C4orf50: variants seen among roughly 807,000 people sequenced by gnomAD.
C4orf50 encodes uncharacterized protein C4orf50.
In C4orf50, 80 loss-of-function variants were observed where a neutral mutation model predicts 77.2. The observed-to-expected ratio is 1.04, with a 90% CI of 0.87 to 1.25. The LOEUF (loss-of-function observed/expected upper bound fraction) is 1.25, where lower values mean the gene tolerates loss of function less well. C4orf50 is among the 50% of genes most tolerant of loss of function. The probability of loss-of-function intolerance (pLI) is 0.00; values close to 1 mark genes in which losing one functional copy is unlikely to be tolerated. For missense variants in C4orf50, 1,257 were observed against 1,152.9 expected (o/e 1.09, Z -1.31); for synonymous variants, 532 against 465.3 (o/e 1.14, Z -1.84).
intron 27 of C4orf50, among the ~76,000 whole-genome samples, chr4:5,991,631 G>A (rs4642177): frequency 2.6e-5 from 4 of 152,022 alleles, no homozygotes; most frequent in African/African-American, 4.8e-5. Flanking sequence ...CTGTGAGTCC[G>A]CAGGGGCTCC....
chr4:5,918,848 C>A (rs1462273731), intron 7 of C4orf50, among the ~76,000 whole-genome samples: 1 of 152,214 alleles, frequency 6.6e-6, no homozygotes, highest in Non-Finnish European at 1.5e-5. Context: ...GTGTCCCTCC[C>A]TGGACCATTC....
chr4:5,997,331 T>C (rs1334357545), intron 25 of C4orf50, among the ~76,000 whole-genome samples: 1 of 152,182 alleles, frequency 6.6e-6, no homozygotes, highest in Non-Finnish European at 1.5e-5. Context: ...CGGCCACGTA[T>C]AAACATACCT....
At position 5,938,360 on chromosome 4, in the gene C4orf50, T is replaced by G. The variant is rs16837869; in HGVS notation, c.*2474+18541A>C. ...ACCATAACAGGAATTAGGAGAATCA[T>G]AGAGTCTTTGTCACCAAGGGGCTCT... On this transcript the variant is annotated intron_variant, in intron 7 of 7. Coordinates refer to the C4orf50 transcript ENST00000324058. Among the ~76,000 whole-genome samples, 3 of 152,358 alleles carry G rather than the reference T, an allele frequency of 2.0e-5. No individual in the cohort carries two copies. The South Asian group carries it at 6.2e-4, about 32-fold the overall frequency.
chr4:5,981,129 A>G (rs1720559599), intron 28 of C4orf50, among the ~76,000 whole-genome samples: 2 of 152,196 alleles, frequency 1.3e-5, no homozygotes, highest in African/African-American at 4.8e-5. Context: ...CAGATTTTCT[A>G]TATAAAATTT....
In C4orf50 at chr4:5,989,369, C is replaced by A. The variant is rs928343180; in HGVS notation, c.2677G>T (p.Gly893Cys). 3.4e-5 allele frequency: 52 copies of A among 1,535,922 alleles called. No homozygotes were observed. The Admixed American group carries it at 1.0e-3, about 30-fold the overall frequency. ...CAATGAGGCAGTGTCCCTGGGTTAC[C>A]AGGAACTTCGCTGGTGCCCAGGGCC... is the stretch of plus-strand genomic sequence containing the variant. The change falls in exon 28 of 34, where the codon GGT becomes TGT. Residue 893 changes from glycine (G) to cysteine (C), a missense_variant. Gly to Cys is a radical substitution (Grantham distance 159, BLOSUM62 -3). Coordinates refer to ENST00000531445, the Ensembl canonical transcript of C4orf50.
At chr4:5,899,469 C>G (rs1253201519) in intron 7 of C4orf50, 1 of 152,228 alleles carries the variant, frequency 6.6e-6, no homozygotes, top group Non-Finnish European at 1.5e-5. Flanking sequence ...AGTAACACAT[C>G]ATGCATTTCA....
chr4:6,012,060 A>G (rs530949469), intron 23 of C4orf50, 92 bp from the exon 2 acceptor site: 4 of 398,252 alleles, frequency 1.0e-5, no homozygotes, highest in Admixed American at 8.8e-5. Context: ...TATTATTATT[A>G]TTGTTTTTGT....
chr4:6,004,339 ATGGTGATGATGACGG>A (rs1722117343), intron 25 of C4orf50, among the ~76,000 whole-genome samples: 2 of 118,184 alleles, frequency 1.7e-5, no homozygotes, highest in African/African-American at 3.6e-5. Context: ...GATGATGGTG[ATGGTGATGATGACGG>A]TGATGGTGAT....
At chr4:5,954,112 T>A (rs185376181), downstream of C4orf50, among the ~76,000 whole-genome samples, 208 of 152,306 alleles carry the variant, frequency 1.4e-3, no homozygotes, top group Non-Finnish European at 2.7e-3. This position sits in a 1 kb window ranked among gnomAD's most constrained non-coding sequence, Gnocchi z 4.7. Flanking sequence ...TCTGCCTCCC[T>A]GGCTCCCAGG....
chr4:5,942,750 T>C (rs74350383), intron 7 of C4orf50, among the ~76,000 whole-genome samples: 3,021 of 152,282 alleles, frequency 0.02, 86 homozygotes, highest in African/African-American at 0.07. Context: ...CAGAATCCAT[T>C]ATCTTAACCA....
At chr4:5,924,475 G>A (rs982355314) in intron 7 of C4orf50, among the ~76,000 whole-genome samples, 4 of 152,196 alleles carry the variant, frequency 2.6e-5, no homozygotes, top group Admixed American at 1.3e-4. Flanking sequence ...GGGCCAGCAG[G>A]AGCAGAGAGC....
intron 23 of C4orf50, among the ~76,000 whole-genome samples, chr4:6,014,912 C>T (rs1008782102): frequency 7.2e-5 from 11 of 152,224 alleles, no homozygotes; most frequent in African/African-American, 2.4e-4. Flanking sequence ...AGAGGCCCCT[C>T]CTCCCTATGG....
intron 25 of C4orf50, among the ~76,000 whole-genome samples, chr4:5,998,905 C>T (rs1009426723): frequency 1.3e-5 from 2 of 152,156 alleles, no homozygotes; most frequent in Non-Finnish European, 2.9e-5. Context: ...TTCCTTTTAC[C>T]CTGAGCAGAA....
chr4:5,961,658 T>TC (rs1719284662), intron 33 of C4orf50, among the ~76,000 whole-genome samples: 1 of 152,160 alleles, frequency 6.6e-6, no homozygotes, highest in South Asian at 2.1e-4. Flanking sequence ...CCTGCCTGAT[T>TC]CCCCACCACA....
exon 28 of C4orf50, chr4:5,988,981 T>A (rs1269576258): frequency 6.5e-7 from 1 of 1,535,946 alleles, no homozygotes; most frequent in East Asian, 2.4e-5. Context: ...TTTCAGTGTT[T>A]CATTTTCCTC....
intron 25 of C4orf50, among the ~76,000 whole-genome samples, chr4:6,001,378 A>G (rs1028319058): frequency 1.3e-5 from 2 of 152,194 alleles, no homozygotes. Context: ...ACTTTAGGTC[A>G]GGAGTTCGTG....
In C4orf50 at chr4:5,958,461, C is replaced by G. The variant is rs2108761412; in HGVS notation, c.*914G>C. Reference sequence around the variant, plus strand: ...TACAGCAGCACCCTTCCCACCTCACCCACCGGACACTGCCCAGCCATTCCT... The same window carrying G: ...TACAGCAGCACCCTTCCCACCTCACGCACCGGACACTGCCCAGCCATTCCT... On this transcript the variant is annotated 3_prime_UTR_variant, in exon 34 of 34. Coordinates refer to ENST00000531445, the Ensembl canonical transcript of C4orf50. The surrounding 1 kb of genome is among the most constrained non-coding windows in gnomAD (Gnocchi z 5.4). 6.6e-6 allele frequency: 1 copy of G among 152,410 alleles called. No individual in the cohort carries two copies. The highest frequency in any genetic ancestry group is 1.9e-4 in the East Asian group (1 of 5,162). The allele number at this position is 152,410 out of a possible 1,614,324, so 9.4% of individuals were successfully genotyped here.
chr4:5,926,095 G>A (rs932741470), intron 7 of C4orf50, among the ~76,000 whole-genome samples: 14 of 152,300 alleles, frequency 9.2e-5, no homozygotes, highest in South Asian at 6.2e-4. Flanking sequence ...TTCGCCCAAC[G>A]TGTCTTTCAA....
intron 7 of C4orf50, chr4:5,904,516 T>G: frequency 6.6e-6 from 1 of 152,380 alleles, no homozygotes; most frequent in South Asian, 2.1e-4. Flanking sequence ...ACTCAGCCAC[T>G]GGAAGACTGT....
Sources: allele counts gnomAD v4.1 joint callset (sites outside exome capture counted in the v4.1 genomes callset), GRCh38; gene constraint gnomAD v4.1.1; non-coding constraint Gnocchi (gnomAD v3.1); transcripts MANE v1.5; gene names NCBI Gene and HGNC (gene_info 2026-07-23, HGNC 2026-07-21).